YARS1: variants seen among roughly 807,000 people sequenced by gnomAD.
YARS1 encodes tyrosyl-tRNA synthetase 1.
YARS1 carries 36 observed loss-of-function variants against 62.2 expected under a neutral mutation model. That is an observed-to-expected ratio of 0.58 (90% CI 0.44 to 0.76). The LOEUF (loss-of-function observed/expected upper bound fraction) is 0.76. YARS1 is among the 30% of genes least tolerant of loss of function. The probability of loss-of-function intolerance (pLI) is 0.00; values close to 1 mark genes in which losing one functional copy is unlikely to be tolerated. For missense variants in YARS1, 524 were observed against 639.8 expected (o/e 0.82, Z 1.95); for synonymous variants, 234 against 244.9 (o/e 0.96, Z 0.42).
chr1:32,805,244 AGGGGG>A, intron 4 of YARS1, among the ~76,000 whole-genome samples: 1 of 9,856 alleles, frequency 1.0e-4, no homozygotes, highest in Admixed American at 8.9e-4. Flanking sequence ...AGAGGGGGAG[AGGGGG>A]AGAGGGGGAG....
intron 5 of YARS1, among the ~76,000 whole-genome samples, chr1:32,797,037 TATATATATATATAG>T (rs1333324567): frequency 2.2e-4 from 14 of 64,536 alleles, no homozygotes; most frequent in African/African-American, 9.6e-4. Context: ...TATATATATA[TATATATATATATAG>T]TAAGCATTTC....
chr1:32,807,700 T>C (rs1288084439), intron 3 of YARS1, among the ~76,000 whole-genome samples: 1 of 152,092 alleles, frequency 6.6e-6, no homozygotes, highest in Admixed American at 6.6e-5. Flanking sequence ...TCGAGCAATC[T>C]GCCCACCCCA....
chr1:32,813,136 G>C (rs561142067), intron 1 of YARS1, among the ~76,000 whole-genome samples: 14 of 151,906 alleles, frequency 9.2e-5, no homozygotes, highest in Non-Finnish European at 1.9e-4. Context: ...GCAAACCAAT[G>C]TATACCTTAC....
chr1:32,786,528 C>A, intron 7 of YARS1, 81 bp from the exon 8 acceptor site: 3 of 1,066,306 alleles, frequency 2.8e-6, no homozygotes, highest in South Asian at 2.9e-5. Flanking sequence ...AGCCCACATG[C>A]ATGACTATTT....
At position 32,780,317 on chromosome 1, in the gene YARS1, C is replaced by T. The variant is rs754879604; in HGVS notation, c.1141-39G>A. 2.8e-5 allele frequency: 45 copies of T among 1,611,814 alleles called. No homozygotes were observed. In the South Asian group the frequency reaches 4.5e-4, roughly 16 times the overall value. ...ACGTCAGGAGGAAGAGGATCATCGT[C>T]CATTAGAGAAGCAGCCTGGTGAACT... On this transcript the variant is annotated intron_variant, in intron 10 of 12. Coordinates refer to ENST00000373477, the MANE Select transcript of YARS1 (RefSeq NM_003680.4).
intron 5 of YARS1, among the ~76,000 whole-genome samples, chr1:32,793,166 C>T (rs2148607483): frequency 6.6e-6 from 1 of 152,122 alleles, no homozygotes; most frequent in African/African-American, 2.4e-5. Context: ...GAAAGGAAAA[C>T]AGCAGAACAG....
At chr1:32,782,368 T>A (rs755263892) in intron 9 of YARS1, 36 bp downstream of exon 9, 6 of 1,613,750 alleles carry the variant, frequency 3.7e-6, no homozygotes, top group Non-Finnish European at 5.1e-6. Flanking sequence ...AAGCTCTCTC[T>A]CCTGATGATG....
chr1:32,817,255 C>A lies in YARS1; in HGVS notation c.-11G>T. On this transcript the variant is annotated 5_prime_UTR_variant, in exon 1 of 13. Coordinates refer to ENST00000373477, the MANE Select transcript of YARS1 (RefSeq NM_003680.4). ...GGGAGCGTCCCCCATGGCTCCGCTACCCCTGCTTCCCCCGCTCAGCCCGGC... is the reference window on the plus strand; with the variant it reads ...GGGAGCGTCCCCCATGGCTCCGCTAACCCTGCTTCCCCCGCTCAGCCCGGC... The A allele has an allele frequency of 1.2e-6, 2 of 1,613,892 alleles. No individual in the cohort carries two copies. Among genetic ancestry groups the A allele is most frequent in the Non-Finnish European group, 1.7e-6 (2 of 1,179,966 alleles).
intron 5 of YARS1, among the ~76,000 whole-genome samples, chr1:32,796,609 T>C (rs1335591617): frequency 6.6e-6 from 1 of 151,822 alleles, no homozygotes; most frequent in East Asian, 2.0e-4. Flanking sequence ...ATGATCCTCC[T>C]GCCTCAGCCT....
At chr1:32,811,524 G>A (rs1569779227) in intron 1 of YARS1, 1 of 203,048 alleles carries the variant, frequency 4.9e-6, no homozygotes, top group Non-Finnish European at 1.0e-5. Flanking sequence ...CCCTGCGCCC[G>A]GAACTGTTTG....
intron 4 of YARS1, among the ~76,000 whole-genome samples, chr1:32,799,731 CATTTT>C (rs779021977): frequency 3.9e-5 from 6 of 152,150 alleles, no homozygotes; most frequent in Non-Finnish European, 8.8e-5. Flanking sequence ...CAAAAATTTC[CATTTT>C]ATTTAATAGC....
intron 2 of YARS1, 27 bp downstream of exon 2, chr1:32,810,884 C>T (rs1557466941): frequency 1.9e-6 from 3 of 1,614,120 alleles, no homozygotes; most frequent in Non-Finnish European, 1.7e-6. Context: ...GGGTCATTCC[C>T]CAAGGGCTTA....
In YARS1 at chr1:32,797,614, TATC is replaced by T. The variant is rs1653647525; in HGVS notation, c.591+146_591+148del. 1.1e-5 allele frequency: 8 copies of T among 729,424 alleles called. No individual in the cohort carries two copies. The South Asian group carries it at 1.2e-4, about 11-fold the overall frequency. The allele number at this position is 729,424 out of a possible 1,614,324, so 45.2% of individuals were successfully genotyped here. On this transcript the variant is annotated intron_variant, in intron 5 of 12. Transcript: ENST00000373477. The stretch of plus-strand genomic sequence containing the variant: ...AACTGTGTGATATTGGACAACTTCT[TATC>T]TTCTATCCTCAGTGTTCTCATCTGC...
At chr1:32,805,281 G>GAGAGGGAA (rs1638434151) in intron 4 of YARS1, among the ~76,000 whole-genome samples, 1 of 146,664 alleles carries the variant, frequency 6.8e-6, no homozygotes, top group Admixed American at 6.8e-5. Context: ...GAGAGAGGGA[G>GAGAGGGAA]AGAGGGAGAG....
At chr1:32,791,994 T>C (rs778618433) in intron 5 of YARS1, among the ~76,000 whole-genome samples, 18 of 152,040 alleles carry the variant, frequency 1.2e-4, no homozygotes, top group Non-Finnish European at 2.2e-4. Flanking sequence ...GAAACAGCTA[T>C]TGGAGTTCAG....
At chr1:32,802,033 C>T (rs1325725351) in intron 4 of YARS1, among the ~76,000 whole-genome samples, 19 of 149,142 alleles carry the variant, frequency 1.3e-4, no homozygotes, top group Non-Finnish European at 2.1e-4. Context: ...CTGCAAGCTC[C>T]GCCTCCCGGG....
intron 12 of YARS1, among the ~76,000 whole-genome samples, chr1:32,777,096 C>A (rs899601904): frequency 5.3e-5 from 8 of 150,454 alleles, no homozygotes; most frequent in African/African-American, 2.0e-4. Context: ...ATAGCGTGAT[C>A]TTGGCTCACT....
chr1:32,801,843 T>C (rs1386249556), intron 4 of YARS1, among the ~76,000 whole-genome samples: 2 of 151,932 alleles, frequency 1.3e-5, no homozygotes, highest in Non-Finnish European at 2.9e-5. Flanking sequence ...TGCTCATCCA[T>C]AAGAAGCAAT....
chr1:32,782,506 C>T lies in YARS1; in HGVS notation c.940G>A (p.Glu314Lys), dbSNP rs1022011356. ...TCCAGCAACTTGTTCAGTGCGACTT[C>T]AACAGAATTCTTCAGGTCTCCAGGA... Reference protein sequence around the residue: ...VHPGDLKNSVEVALNKLLDPI... With the variant: ...VHPGDLKNSVKVALNKLLDPI... The change falls in exon 9 of 13, where the codon GAA (glutamate) becomes AAA (lysine). Residue 314 changes from glutamate (E) to lysine (K), a missense_variant. By Grantham distance (56) the Glu-to-Lys change is moderately conservative. Transcript: ENST00000373477. 1 of 1,614,012 alleles carries T rather than the reference C, an allele frequency of 6.2e-7. No individual in the cohort carries two copies. Among genetic ancestry groups the T allele is most frequent in the Non-Finnish European group, 8.5e-7 (1 of 1,180,030 alleles).
Sources: allele counts gnomAD v4.1 joint callset (sites outside exome capture counted in the v4.1 genomes callset), GRCh38; gene constraint gnomAD v4.1.1; transcripts MANE v1.5; gene names NCBI Gene and HGNC (gene_info 2026-07-23, HGNC 2026-07-21).